DAB1: variants seen among roughly 807,000 people sequenced by gnomAD.
The protein encoded by DAB1 is DAB adaptor protein 1.
In DAB1, 15 loss-of-function variants were observed where a neutral mutation model predicts 64.6. That is an observed-to-expected ratio of 0.23 (90% CI 0.16 to 0.36). The LOEUF is 0.36. Among genes scored for constraint, DAB1 ranks in the 10% least tolerant of loss-of-function variants. DAB1 has a pLI of 1.00. For missense variants in DAB1, 596 were observed against 706.7 expected (o/e 0.84, Z 1.78); for synonymous variants, 235 against 251.9 (o/e 0.93, Z 0.64).
At chr1:57,174,326 T>C (rs1463303090) in intron 2 of DAB1, among the ~76,000 whole-genome samples, 1 of 152,156 alleles carries the variant, frequency 6.6e-6, no homozygotes, top group Non-Finnish European at 1.5e-5. Context: ...CCCTAGAAGT[T>C]ATGCCAATCC....
chr1:57,804,256 T>C (rs905446523), intron 6 of DAB1, among the ~76,000 whole-genome samples: 1 of 152,358 alleles, frequency 6.6e-6, no homozygotes, highest in African/African-American at 2.4e-5. Context: ...AACCGTTTTC[T>C]TAGGATCACA....
intron 2 of DAB1, among the ~76,000 whole-genome samples, chr1:57,269,158 C>G (rs944135446): frequency 6.6e-6 from 1 of 152,042 alleles, no homozygotes; most frequent in Non-Finnish European, 1.5e-5. Flanking sequence ...CTACCTTTGG[C>G]CCAACCTCCA....
intron 7 of DAB1, among the ~76,000 whole-genome samples, chr1:57,628,190 A>G (rs1243435303): frequency 1.3e-5 from 2 of 152,228 alleles, no homozygotes; most frequent in African/African-American, 4.8e-5. Flanking sequence ...TAAAACAGAT[A>G]GCAGCTATTG....
intron 4 of DAB1, among the ~76,000 whole-genome samples, chr1:57,118,190 A>T (rs538009728): frequency 6.6e-6 from 1 of 152,348 alleles, no homozygotes; most frequent in African/African-American, 2.4e-5. Flanking sequence ...TGGAGGAGAC[A>T]AATATACAGC....
intron 7 of DAB1, among the ~76,000 whole-genome samples, chr1:57,465,250 CAAGAG>C (rs1364499444): frequency 3.3e-5 from 5 of 152,220 alleles, no homozygotes; most frequent in Non-Finnish European, 5.9e-5. Context: ...CTTCTGCAAA[CAAGAG>C]TTCATGGCTG....
intron 4 of DAB1, among the ~76,000 whole-genome samples, chr1:57,105,565 G>A (rs1046752403): frequency 1.3e-5 from 2 of 152,102 alleles, no homozygotes; most frequent in Non-Finnish European, 2.9e-5. Flanking sequence ...AGCCATTCAC[G>A]ATGCAGAGAT....
At chr1:57,145,170 C>A in intron 3 of DAB1, 120 bp downstream of exon 3, 2 of 1,006,806 alleles carry the variant, frequency 2.0e-6, no homozygotes, top group Non-Finnish European at 1.5e-6. Context: ...GGTGATTCAA[C>A]AGTAAGCCAA....
At chr1:57,303,094 G>A (rs1284360234) in intron 1 of DAB1, among the ~76,000 whole-genome samples, 1 of 152,208 alleles carries the variant, frequency 6.6e-6, no homozygotes, top group African/African-American at 2.4e-5. Context: ...AGACGACTGA[G>A]ATAATGAAAA....
chr1:57,622,265 G>C (rs141562535), intron 7 of DAB1, among the ~76,000 whole-genome samples: 5 of 152,262 alleles, frequency 3.3e-5, no homozygotes, highest in African/African-American at 1.2e-4. Flanking sequence ...GAAGGGGACT[G>C]TGCAAGGCAT....
At chr1:57,802,057 C>T (rs1440686737) in intron 6 of DAB1, among the ~76,000 whole-genome samples, 2 of 152,186 alleles carry the variant, frequency 1.3e-5, no homozygotes, top group African/African-American at 4.8e-5. Flanking sequence ...CTTCAAGTGC[C>T]TTTGAACACA....
intron 11 of DAB1, among the ~76,000 whole-genome samples, chr1:57,016,150 T>C (rs1194627447): frequency 6.6e-6 from 1 of 152,186 alleles, no homozygotes; most frequent in East Asian, 1.9e-4. Context: ...TGTTAGTTAG[T>C]AGTATGGTTT....
intron 6 of DAB1, among the ~76,000 whole-genome samples, chr1:57,819,455 T>C (rs765224109): frequency 2.6e-5 from 4 of 152,148 alleles, no homozygotes; most frequent in African/African-American, 7.2e-5. Context: ...TTTTTAGAGA[T>C]TTAAGGAGTG....
At chr1:57,789,486 C>A (rs1650491981) in intron 6 of DAB1, among the ~76,000 whole-genome samples, 1 of 152,160 alleles carries the variant, frequency 6.6e-6, no homozygotes, top group South Asian at 2.1e-4. Context: ...AGGGTGCCAG[C>A]ATGGTTGGGT....
chr1:58,422,294 A>G (rs1163333618), intron 3 of DAB1, among the ~76,000 whole-genome samples: 1 of 151,896 alleles, frequency 6.6e-6, no homozygotes. Context: ...TAAGCACTCC[A>G]TGTTATCTAG....
intron 3 of DAB1, among the ~76,000 whole-genome samples, chr1:58,435,043 A>C (rs935313602): frequency 6.6e-6 from 1 of 152,196 alleles, no homozygotes; most frequent in African/African-American, 2.4e-5. Context: ...GATGCCCTCA[A>C]GGACTTGCAT....
chr1:57,733,298 C>T (rs911860035), intron 6 of DAB1, among the ~76,000 whole-genome samples: 1 of 151,676 alleles, frequency 6.6e-6, no homozygotes, highest in Non-Finnish European at 1.5e-5. Flanking sequence ...ATATACTTTA[C>T]TAATCTAGTA....
At chr1:58,268,116 TACTC>T (rs935590333) in intron 4 of DAB1, among the ~76,000 whole-genome samples, 3 of 152,318 alleles carry the variant, frequency 2.0e-5, no homozygotes, top group Admixed American at 6.5e-5. Context: ...TAAAGTTACT[TACTC>T]ACTCTAAACT....
At chr1:58,182,892 C>T (rs1656875346) in intron 4 of DAB1, among the ~76,000 whole-genome samples, 1 of 151,808 alleles carries the variant, frequency 6.6e-6, no homozygotes, top group South Asian at 2.1e-4. Context: ...TGTTGTTTTA[C>T]AAGTGATATT....
At chr1:57,970,329 T>C (rs1469512765) in intron 5 of DAB1, among the ~76,000 whole-genome samples, 4 of 152,024 alleles carry the variant, frequency 2.6e-5, no homozygotes, top group Non-Finnish European at 4.4e-5. Context: ...AAAAAACACA[T>C]GGTAGAGAAT....
Sources: allele counts gnomAD v4.1 joint callset (sites outside exome capture counted in the v4.1 genomes callset), GRCh38; gene constraint gnomAD v4.1.1; transcripts MANE v1.5; gene names NCBI Gene and HGNC (gene_info 2026-07-23, HGNC 2026-07-21).